Variants in NUP214 observed in about 807,000 individuals in gnomAD.
NUP214 encodes nuclear pore complex protein Nup214.
A neutral mutation model predicts 196.2 loss-of-function variants in NUP214; 79 were observed. The ratio of observed to expected loss-of-function variants is 0.40; its 90% CI spans 0.34 to 0.49. The LOEUF (loss-of-function observed/expected upper bound fraction) is 0.49, where lower values mean the gene tolerates loss of function less well. NUP214 is among the 20% of genes least tolerant of loss of function. The pLI is 0.58. For missense variants in NUP214, 2,468 were observed against 2,539.0 expected (o/e 0.97, Z 0.60); for synonymous variants, 1,020 against 990.5 (o/e 1.03, Z -0.56).
intron 21 of NUP214, among the ~76,000 whole-genome samples, chr9:131,166,825 A>G (rs1048569263): frequency 7.2e-5 from 11 of 151,906 alleles, no homozygotes; most frequent in Non-Finnish European, 1.6e-4. Context: ...TGAAACTTCC[A>G]ATTGCGAGTA....
At chr9:131,133,695 G>A (rs1270331633) in intron 7 of NUP214, 1 of 152,172 alleles carries the variant, frequency 6.6e-6, no homozygotes, top group Non-Finnish European at 1.5e-5. Context: ...TCTAAAATTG[G>A]AGTGTCCACA....
At chr9:131,199,080 C>G in intron 29 of NUP214, 65 bp downstream of exon 29, 1 of 1,506,716 alleles carries the variant, frequency 6.6e-7, no homozygotes, top group Non-Finnish European at 8.9e-7. Flanking sequence ...AGCAACAGAC[C>G]CCTATTACTT....
chr9:131,157,794 C>T (rs907905630), intron 17 of NUP214, among the ~76,000 whole-genome samples: 15 of 151,930 alleles, frequency 9.9e-5, no homozygotes, highest in Middle Eastern at 3.4e-3. Flanking sequence ...TACAGGCGCG[C>T]GCCACCACAC....
chr9:131,164,200 T>C (rs1832720940), intron 21 of NUP214, 56 bp downstream of exon 21: 1 of 1,521,490 alleles, frequency 6.6e-7, no homozygotes, highest in African/African-American at 1.4e-5. Context: ...GTGGGGTGTG[T>C]GTGTGTGCGC....
At chr9:131,169,377 G>A (rs998912301) in intron 21 of NUP214, among the ~76,000 whole-genome samples, 2 of 152,104 alleles carry the variant, frequency 1.3e-5, no homozygotes, top group Non-Finnish European at 2.9e-5. Context: ...GCAAGGTGGT[G>A]CATGCCTGTA....
chr9:131,186,727 A>T lies in NUP214; in HGVS notation c.3420-562A>T, dbSNP rs372287457. 3.3e-5 allele frequency among the ~76,000 whole-genome samples: 5 copies of T among 152,356 alleles called. No homozygotes were observed. In the South Asian group the frequency reaches 8.3e-4, roughly 25 times the overall value. On this transcript the variant is annotated intron_variant, in intron 24 of 35. Transcript: ENST00000359428. ...AAAGATGATGAGAGCTCTTTCTGCG[A>T]ATAGGGGTATACTTTTCATGCTGTA...
At chr9:131,185,912 G>A (rs950309153) in intron 24 of NUP214, among the ~76,000 whole-genome samples, 2 of 152,208 alleles carry the variant, frequency 1.3e-5, no homozygotes, top group Non-Finnish European at 2.9e-5. Context: ...TTACTATCAT[G>A]TCACAATTGA....
In NUP214 at chr9:131,198,660, A is replaced by G. The variant is rs1299196598; in HGVS notation, c.5166A>G (p.Gly1722=). The G allele has an allele frequency of 6.2e-7, 1 of 1,614,244 alleles. No individual in the cohort carries two copies. Among genetic ancestry groups the G allele is most frequent in the South Asian group, 1.1e-5 (1 of 91,084 alleles). The change falls in exon 29 of 36, where the codon GGA becomes GGG. Residue 1722 remains glycine, a synonymous_variant. Coordinates refer to ENST00000359428, the MANE Select transcript of NUP214 (RefSeq NM_005085.4). The stretch of plus-strand genomic sequence containing the variant: ...GTACCACAGCCCCAGGGGTCTTTGG[A>G]CAGACAACCTTCGGGCAGGCCTCAG... ...AFGTTAPGVF[G]QTTFGQASVF... is the part of the protein sequence containing the mutation.
rs1227821660 is a variant in NUP214 at position 131,198,923 on chromosome 9, C to A, written c.5429C>A (p.Pro1810His). ...QSNAPAFGQS[P>H]GFGQGGSVFG... is the part of the protein sequence containing the mutation. ...AACGCTCCTGCTTTTGGGCAGAGTC[C>A]TGGCTTTGGACAGGGAGGCTCTGTC... The change falls in exon 29 of 36, where the codon CCT becomes CAT. Residue 1810 changes from proline (P) to histidine (H), a missense_variant. By Grantham distance (77) the Pro-to-His change is moderately conservative (BLOSUM62 -2). Transcript: ENST00000359428. 6.2e-7 allele frequency: 1 copy of A among 1,614,128 alleles called. No individual in the cohort carries two copies. Among genetic ancestry groups the A allele is most frequent in the Non-Finnish European group, 8.5e-7 (1 of 1,180,026 alleles).
At chr9:131,230,464 T>C in intron 33 of NUP214, 166 bp from the exon 34 acceptor site, 1 of 725,900 alleles carries the variant, frequency 1.4e-6, no homozygotes, top group South Asian at 1.9e-5. Flanking sequence ...AAGTTGGCCC[T>C]GGGCGATAGC....
At chr9:131,162,602 C>CT (rs929279087) in intron 18 of NUP214, among the ~76,000 whole-genome samples, 134 of 148,652 alleles carry the variant, frequency 9.0e-4, no homozygotes, top group Non-Finnish European at 1.5e-3. Context: ...TCCAGTGAAC[C>CT]TTTTTTTTTT....
chr9:131,131,682 A>G (rs945795826), intron 5 of NUP214, among the ~76,000 whole-genome samples: 2 of 151,842 alleles, frequency 1.3e-5, no homozygotes, highest in African/African-American at 4.8e-5. Flanking sequence ...TTTTTTATTT[A>G]TTTATTATTA....
Position 131,232,608 on chromosome 9 carries a change from C to T in NUP214, c.6239+300C>T. 1 of 502,962 alleles carries T rather than the reference C, an allele frequency of 2.0e-6. No homozygotes were observed. Among genetic ancestry groups the T allele is most frequent in the East Asian group, 3.6e-5 (1 of 27,894 alleles). The allele number at this position is 502,962 out of a possible 1,614,324, so 31.2% of individuals were successfully genotyped here. A position where few individuals can be genotyped will look rare whatever the true frequency, so the allele number is the denominator to read the frequency against. On this transcript the variant is annotated intron_variant, in intron 35 of 35. Transcript: ENST00000359428. This position sits in a 1 kb window ranked among gnomAD's most constrained non-coding sequence, Gnocchi z 5.1. ...GCTGAGGAGATGCTGCTCCTGACTT[C>T]CCTGGAGGTTTCTCAGAAGCTGCAT...
chr9:131,178,470 C>T (rs1297523860), intron 24 of NUP214, 60 bp downstream of exon 24: 1 of 1,231,138 alleles, frequency 8.1e-7, no homozygotes, highest in Non-Finnish European at 1.2e-6. Context: ...CGGTGGACTG[C>T]CTGCAGGGAG....
intron 25 of NUP214, among the ~76,000 whole-genome samples, chr9:131,188,596 G>A (rs1045606145): frequency 1.3e-5 from 2 of 152,216 alleles, no homozygotes; most frequent in Admixed American, 6.5e-5. Flanking sequence ...GTTCACCATG[G>A]AAAACACATG....
chr9:131,178,089 G>A (rs969258985), intron 23 of NUP214, among the ~76,000 whole-genome samples: 4 of 152,224 alleles, frequency 2.6e-5, no homozygotes, highest in African/African-American at 4.8e-5. Flanking sequence ...TAGTACATTC[G>A]ATTCAGTTAC....
At chr9:131,200,692 G>A (rs1833915966) in intron 29 of NUP214, among the ~76,000 whole-genome samples, 1 of 152,118 alleles carries the variant, frequency 6.6e-6, no homozygotes, top group African/African-American at 2.4e-5. Flanking sequence ...CTGGGCAATA[G>A]AGCGAGACTC....
At chr9:131,228,355 T>TTAAGCCCCCTGGGGA in intron 33 of NUP214, 24 bp downstream of exon 33, 1 of 1,562,566 alleles carries the variant, frequency 6.4e-7, no homozygotes. Context: ...GGAGGGCCCT[T>TTAAGCCCCCTGGGGA]GGGAACCCAC....
rs1384064029 is a variant in NUP214 at position 131,198,331 on chromosome 9, A to G, written c.4837A>G (p.Ser1613Gly). The change falls in exon 29 of 36, where the codon AGT becomes GGT. Residue 1613 changes from serine to glycine, a missense_variant. Ser to Gly is a moderately conservative substitution (Grantham distance 56). Coordinates refer to ENST00000359428, the MANE Select transcript of NUP214 (RefSeq NM_005085.4). ...SAGPVAVETS[S>G]TPIASSTTSI... is the part of the protein sequence containing the mutation. ...AGGCCCTGTGGCCGTCGAAACATCAAGTACCCCCATAGCCTCCAGCACCAC... is the reference window on the plus strand; with the variant it reads ...AGGCCCTGTGGCCGTCGAAACATCAGGTACCCCCATAGCCTCCAGCACCAC... The G allele has an allele frequency of 1.2e-6, 2 of 1,614,238 alleles. No individual in the cohort carries two copies. The highest frequency in any genetic ancestry group is 2.2e-5 in the East Asian group (1 of 44,888).
Sources: allele counts gnomAD v4.1 joint callset (sites outside exome capture counted in the v4.1 genomes callset), GRCh38; gene constraint gnomAD v4.1.1; non-coding constraint Gnocchi (gnomAD v3.1); transcripts MANE v1.5; gene names NCBI Gene and HGNC (gene_info 2026-07-23, HGNC 2026-07-21).